Variants in TRIM9 observed in about 807,000 individuals in gnomAD.
The protein encoded by TRIM9 is tripartite motif containing 9.
In TRIM9, 26 loss-of-function variants were observed where a neutral mutation model predicts 78.3. The ratio of observed to expected loss-of-function variants is 0.33; its 90% CI spans 0.24 to 0.46. TRIM9 has a LOEUF of 0.46. Ranked by LOEUF, TRIM9 falls within the 20% of genes least tolerant of loss-of-function variation. The pLI, the probability that TRIM9 is intolerant of heterozygous loss-of-function variation, is 1.00. For synonymous variants in TRIM9, 398 were observed against 416.5 expected, an observed-to-expected ratio of 0.96 and a Z score of 0.54; for missense variants, 787 against 1,036.4, an observed-to-expected ratio of 0.76 and a Z score of 3.30.
intron 11 of TRIM9, among the ~76,000 whole-genome samples, chr14:50,980,869 A>G (rs1189445007): frequency 6.6e-6 from 1 of 152,236 alleles, no homozygotes; most frequent in Non-Finnish European, 1.5e-5. Context: ...AGGAGTCTAC[A>G]GGCTGGAGAA....
rs2054467377 is a variant in TRIM9, at chr14:50,998,166, G to T, written c.1487C>A (p.Thr496Lys). Residue 496 changes from threonine (T) to lysine (K), a missense_variant, in exon 7 of 13, where the codon ACA becomes AAA. Transcript: ENST00000684578. Reference sequence around the variant, plus strand: ...GTGAAGACCATCCACAGTGCACATTGTCTCCTTCCCCACATACACCTCCTG... The same window carrying T: ...GTGAAGACCATCCACAGTGCACATTTTCTCCTTCCCCACATACACCTCCTG... ...QFREVYVGKETMCTVDGLHFN... is the reference protein window; with the variant it reads ...QFREVYVGKEKMCTVDGLHFN... 7 of 1,614,182 alleles carry T rather than the reference G, an allele frequency of 4.3e-6. No homozygotes were observed. Among genetic ancestry groups the T allele is most frequent in the Non-Finnish European group, 5.9e-6 (7 of 1,180,014 alleles).
At chr14:51,046,593 T>C (rs2059970493) in intron 1 of TRIM9, among the ~76,000 whole-genome samples, 1 of 152,232 alleles carries the variant, frequency 6.6e-6, no homozygotes, top group African/African-American at 2.4e-5. Context: ...TCTTCTATTC[T>C]ATAATGGAGA....
intron 3 of TRIM9, among the ~76,000 whole-genome samples, chr14:51,016,035 G>C (rs1289115842): frequency 6.6e-6 from 1 of 152,008 alleles, no homozygotes; most frequent in Admixed American, 6.6e-5. Flanking sequence ...CAGTATCTGT[G>C]GGGGATTGAT....
At chr14:50,978,128 GAA>G (rs1706212278) in intron 12 of TRIM9, among the ~76,000 whole-genome samples, 1 of 152,088 alleles carries the variant, frequency 6.6e-6, no homozygotes, top group South Asian at 2.1e-4. Flanking sequence ...CAGCCTTCTA[GAA>G]AACCCCATCT....
At position 50,977,192 on chromosome 14, in the gene TRIM9, C is replaced by G. The variant is rs1650595058; in HGVS notation, c.*99G>C. 1.0e-6 allele frequency: 1 copy of G among 997,922 alleles called. No homozygotes were observed. Among genetic ancestry groups the G allele is most frequent in the Non-Finnish European group, 1.4e-6 (1 of 725,742 alleles). The allele number at this position is 997,922 out of a possible 1,614,324, so 61.8% of individuals were successfully genotyped here. On this transcript the variant is annotated 3_prime_UTR_variant, in exon 13 of 13. Transcript: ENST00000684578. ...GCTTTTCTCTCCTCCTTCTCCCACT[C>G]CTGCCAACTCTGCACCCCACCACGG...
At chr14:50,999,391 C>T (rs1418887117) in intron 6 of TRIM9, among the ~76,000 whole-genome samples, 2 of 151,978 alleles carry the variant, frequency 1.3e-5, no homozygotes, top group East Asian at 3.9e-4. Context: ...CTCTCACACA[C>T]ACTGCAAAAG....
chr14:51,018,056 T>C (rs2057384312), intron 3 of TRIM9, among the ~76,000 whole-genome samples: 1 of 152,250 alleles, frequency 6.6e-6, no homozygotes, highest in African/African-American at 2.4e-5. Context: ...TTCTACAGAC[T>C]TCTGCTGAGG....
chr14:51,073,454 A>G (rs11622355), intron 1 of TRIM9, among the ~76,000 whole-genome samples: 37,243 of 152,228 alleles, frequency 0.24, 4,843 homozygotes, highest in African/African-American at 0.31. Flanking sequence ...AAAATGGAAT[A>G]CCATACAACA....
intron 1 of TRIM9, among the ~76,000 whole-genome samples, chr14:51,082,026 CA>C (rs1179016081): frequency 6.6e-6 from 1 of 152,182 alleles, no homozygotes; most frequent in Non-Finnish European, 1.5e-5. Flanking sequence ...CTAGAGCTCA[CA>C]TTTGGTCTTT....
chr14:51,003,013 T>G lies in TRIM9; in HGVS notation c.1307-2173A>C, dbSNP rs560320245. Among the ~76,000 whole-genome samples the G allele has an allele frequency of 7.2e-5, 11 of 152,242 alleles. 1 individual carries two copies. The South Asian group carries it at 2.1e-3, about 29-fold the overall frequency. On this transcript the variant is annotated intron_variant, in intron 5 of 12. Coordinates refer to ENST00000684578, the MANE Select transcript of TRIM9 (RefSeq NM_001387360.1). ...CAGATTTGGAGGAAAGGAAATAAAT[T>G]CATTGTCTTGCTCACTAAATAAACT...
intron 3 of TRIM9, among the ~76,000 whole-genome samples, chr14:51,015,512 T>C (rs2057086798): frequency 1.9e-5 from 2 of 104,746 alleles, no homozygotes; most frequent in South Asian, 6.3e-4. Flanking sequence ...TTTCTTTTTT[T>C]TTTTTTTTTT....
At chr14:51,040,676 T>G (rs1354791839) in intron 1 of TRIM9, among the ~76,000 whole-genome samples, 3 of 152,230 alleles carry the variant, frequency 2.0e-5, no homozygotes, top group Admixed American at 2.0e-4. Flanking sequence ...TGCCCTAAGT[T>G]TTTAAGAACT....
chr14:50,977,397 C>A, intron 12 of TRIM9, 44 bp from the exon 13 acceptor site: 3 of 1,441,684 alleles, frequency 2.1e-6, no homozygotes, highest in Non-Finnish European at 2.8e-6. Context: ...CGTGCATCCC[C>A]CTGTCCCTTT....
At chr14:50,995,772 A>AG (rs1337992770) in intron 7 of TRIM9, among the ~76,000 whole-genome samples, 1 of 149,990 alleles carries the variant, frequency 6.7e-6, no homozygotes, top group Non-Finnish European at 1.5e-5. Flanking sequence ...ATACCAGCAA[A>AG]GAAAAAAAAA....
intron 7 of TRIM9, chr14:50,996,147 T>C (rs950839288): frequency 8.5e-5 from 84 of 985,106 alleles, no homozygotes; most frequent in Non-Finnish European, 1.0e-4. Context: ...GATATCTATA[T>C]GATGATAGGC....
At chr14:51,087,277 A>C (rs61987473) in intron 1 of TRIM9, among the ~76,000 whole-genome samples, 41,402 of 152,026 alleles carry the variant, frequency 0.27, 5,750 homozygotes, top group Non-Finnish European at 0.29. Context: ...CTAAGCAGGC[A>C]GATGGGATTG....
chr14:50,992,862 T>C (rs1220313181), intron 7 of TRIM9, among the ~76,000 whole-genome samples: 1 of 152,200 alleles, frequency 6.6e-6, no homozygotes, highest in African/African-American at 2.4e-5. Context: ...GTTTTTAAGA[T>C]GTAGTTTCAA....
intron 1 of TRIM9, among the ~76,000 whole-genome samples, chr14:51,027,354 G>A (rs999205559): frequency 6.6e-5 from 10 of 151,998 alleles, no homozygotes; most frequent in Admixed American, 6.6e-5. Flanking sequence ...ATGTTGGCCA[G>A]GCTGGTCTCA....
intron 3 of TRIM9, among the ~76,000 whole-genome samples, chr14:51,016,457 A>T (rs2057202172): frequency 6.6e-6 from 1 of 150,512 alleles, no homozygotes; most frequent in Non-Finnish European, 1.5e-5. Flanking sequence ...TCCCAGAACC[A>T]TTCCCCCCCA....
Sources: gnomAD v4.1 joint callset for allele counts (sites outside exome capture counted in the v4.1 genomes callset) on GRCh38, gnomAD v4.1.1 for gene constraint, MANE v1.5 for transcripts, NCBI Gene and HGNC (gene_info 2026-07-23, HGNC 2026-07-21) for gene names.